CLCN3: variants seen among roughly 807,000 people sequenced by gnomAD.
The protein encoded by CLCN3 is Cl-/H+ antiporter 3, also known as H(+)/Cl(-) exchange transporter 3.
CLCN3 carries 16 observed loss-of-function variants against 83.4 expected under a neutral mutation model. That is an observed-to-expected ratio of 0.19 (90% CI 0.13 to 0.29). The LOEUF is 0.29. Among genes scored for constraint, CLCN3 ranks in the 10% least tolerant of loss-of-function variants. The pLI, the probability that CLCN3 is intolerant of heterozygous loss-of-function variation, is 1.00. For missense variants in CLCN3, 544 were observed against 1,006.0 expected (o/e 0.54, Z 6.21); for synonymous variants, 322 against 346.2 (o/e 0.93, Z 0.78).
chr4:169,681,219 TG>T (rs1731924853), intron 3 of CLCN3, among the ~76,000 whole-genome samples: 1 of 152,200 alleles, frequency 6.6e-6, no homozygotes, highest in African/African-American at 2.4e-5. Flanking sequence ...AGCTAATTTT[TG>T]TATTTTTAGT....
At chr4:169,714,724 T>C (rs1733361042) in intron 12 of CLCN3, among the ~76,000 whole-genome samples, 1 of 152,176 alleles carries the variant, frequency 6.6e-6, no homozygotes, top group South Asian at 2.1e-4. Flanking sequence ...TTAGTGTTTT[T>C]CACTGCGCTA....
intron 2 of CLCN3, 82 bp from the exon 3 acceptor site, chr4:169,679,966 CTT>C: frequency 9.3e-7 from 1 of 1,070,638 alleles, no homozygotes; most frequent in Non-Finnish European, 1.4e-6. Context: ...TTCTGTATGA[CTT>C]AATAATGAAT....
chr4:169,677,548 C>G (rs1731728078), intron 2 of CLCN3, among the ~76,000 whole-genome samples: 1 of 152,148 alleles, frequency 6.6e-6, no homozygotes, highest in South Asian at 2.1e-4. Flanking sequence ...CTATAGCACA[C>G]AGTAAGATGT....
chr4:169,688,956 T>C (rs1243753973), intron 4 of CLCN3, 87 bp from the exon 5 acceptor site: 1 of 1,114,970 alleles, frequency 9.0e-7, no homozygotes, highest in East Asian at 2.5e-5. Flanking sequence ...AGGAGTCTCC[T>C]GCTTTCTACT....
intron 1 of CLCN3, among the ~76,000 whole-genome samples, chr4:169,622,307 ATGT>A (rs112516937): frequency 3.3e-5 from 5 of 152,264 alleles, no homozygotes; most frequent in African/African-American, 7.2e-5. Context: ...AGATTTGTTG[ATGT>A]TGTGGGTTTG....
intron 7 of CLCN3, among the ~76,000 whole-genome samples, chr4:169,695,277 G>C (rs1400651887): frequency 6.6e-6 from 1 of 152,082 alleles, no homozygotes; most frequent in Non-Finnish European, 1.5e-5. Context: ...CCCCATCCCA[G>C]TTACTGCCCT....
At position 169,690,137 on chromosome 4, in the gene CLCN3, C is replaced by CTTTTTTTTTTTTTT. The variant is rs397769904; in HGVS notation, c.607-387_607-374dup. On this transcript the variant is annotated intron_variant, in intron 5 of 12. Transcript: ENST00000513761. ...CATTTTACTGAAGTTTCTTTTCTTT[C>CTTTTTTTTTTTTTT]TTTTTTTTTTTTTTTTTTTGGCCGG... Among the ~76,000 whole-genome samples the CTTTTTTTTTTTTTT allele has an allele frequency of 3.6e-5, 4 of 110,464 alleles. 1 individual carries two copies. Among genetic ancestry groups the CTTTTTTTTTTTTTT allele is most frequent in the Non-Finnish European group, 3.4e-5 (2 of 58,718 alleles). The allele number at this position is 110,464 out of a possible 152,430, so 72.5% of individuals were successfully genotyped here.
chr4:169,660,239 TAC>T (rs2150218903), intron 2 of CLCN3: 2 of 1,222,210 alleles, frequency 1.6e-6, no homozygotes, highest in South Asian at 3.4e-5. Flanking sequence ...CGAGTCGAAC[TAC>T]AGTTTTAACC....
intron 2 of CLCN3, among the ~76,000 whole-genome samples, chr4:169,653,632 C>A (rs1366454982): frequency 1.8e-5 from 2 of 113,282 alleles, no homozygotes; most frequent in Admixed American, 2.1e-4. Context: ...CAGAGTGAGA[C>A]TCCGTCTCAA....
intron 2 of CLCN3, among the ~76,000 whole-genome samples, chr4:169,636,972 A>G (rs1730222862): frequency 6.6e-6 from 1 of 152,064 alleles, no homozygotes; most frequent in Non-Finnish European, 1.5e-5. Context: ...TGGATATAGC[A>G]TGTACATTTC....
At chr4:169,669,254 G>GA (rs1731369021) in intron 2 of CLCN3, among the ~76,000 whole-genome samples, 1 of 152,154 alleles carries the variant, frequency 6.6e-6, no homozygotes, top group Non-Finnish European at 1.5e-5. Context: ...AAAATTAACT[G>GA]GAAAAGAGGA....
chr4:169,690,747 G>A (rs1190058488), intron 6 of CLCN3, 95 bp downstream of exon 6: 6 of 1,217,568 alleles, frequency 4.9e-6, no homozygotes, highest in South Asian at 4.8e-5. Flanking sequence ...TGGAGGGAGG[G>A]GATAGTTTGT....
At chr4:169,648,941 C>T (rs1365914401) in intron 2 of CLCN3, among the ~76,000 whole-genome samples, 1 of 151,058 alleles carries the variant, frequency 6.6e-6, no homozygotes, top group African/African-American at 2.4e-5. Context: ...GCACGAGAGT[C>T]GCTTGAATCC....
chr4:169,675,463 A>T (rs1460792500), intron 2 of CLCN3, among the ~76,000 whole-genome samples: 1 of 152,216 alleles, frequency 6.6e-6, no homozygotes, highest in Non-Finnish European at 1.5e-5. Context: ...TCCATTCCTT[A>T]AAAGTCCTAT....
intron 2 of CLCN3, among the ~76,000 whole-genome samples, chr4:169,648,734 G>C (rs1346654123): frequency 6.6e-6 from 1 of 152,140 alleles, no homozygotes; most frequent in Non-Finnish European, 1.5e-5. Context: ...CTGTAAAGAA[G>C]TATGAATGTC....
chr4:169,679,318 C>T (rs13150107), intron 2 of CLCN3, among the ~76,000 whole-genome samples: 25,478 of 151,394 alleles, frequency 0.17, 2,719 homozygotes, highest in South Asian at 0.3. Context: ...ACGCTCCTCA[C>T]TTCCTAGACG....
rs1277651046 is a variant in CLCN3 at position 169,692,188 on chromosome 4, A to G, written c.804A>G (p.Thr268=). ...GKWTLMIKTI[T]LVLAVASGLS... is the part of the protein sequence containing the mutation. ...GGACTTTAATGATTAAAACCATCAC[A>G]TTAGTCCTGGCTGTGGCATCAGGTT... Residue 268 remains threonine (T), a synonymous_variant, in exon 7 of 13, where the codon ACA becomes ACG. Transcript: ENST00000513761. The G allele has an allele frequency of 2.0e-5, 32 of 1,612,512 alleles. No homozygotes were observed. Among genetic ancestry groups the G allele is most frequent in the Non-Finnish European group, 2.5e-5 (30 of 1,178,604 alleles).
At chr4:169,627,388 G>T (rs1184907684) in intron 1 of CLCN3, among the ~76,000 whole-genome samples, 1 of 152,036 alleles carries the variant, frequency 6.6e-6, no homozygotes, top group African/African-American at 2.4e-5. Flanking sequence ...CAGCCAGCTT[G>T]CTTACTTTTC....
chr4:169,693,565 G>C (rs895899630), intron 7 of CLCN3, among the ~76,000 whole-genome samples: 4 of 150,250 alleles, frequency 2.7e-5, no homozygotes, highest in African/African-American at 4.8e-5. Context: ...CAAAGTCTGT[G>C]GTCTTACCTA....
Sources: gnomAD v4.1 joint callset for allele counts (sites outside exome capture counted in the v4.1 genomes callset) on GRCh38, gnomAD v4.1.1 for gene constraint, MANE v1.5 for transcripts, NCBI Gene and HGNC (gene_info 2026-07-23, HGNC 2026-07-21) for gene names.